Variants in FOXP2 observed in about 807,000 individuals in gnomAD.
FOXP2 encodes the protein forkhead box protein P2.
Under a neutral mutation model 115.8 loss-of-function variants are expected in FOXP2, and 12 were observed. The observed-to-expected ratio is 0.10, with a 90% CI of 0.07 to 0.17. The LOEUF (loss-of-function observed/expected upper bound fraction) is 0.17, where lower values mean the gene tolerates loss of function less well. Among genes scored for constraint, FOXP2 ranks in the 10% least tolerant of loss-of-function variants. FOXP2 has a pLI of 1.00. For synonymous variants in FOXP2, 328 were observed against 297.7 expected (o/e 1.10, Z -1.05); for missense variants, 629 against 843.5 (o/e 0.75, Z 3.15).
chr7:114,252,529 A>G (rs1318665990), intron 1 of FOXP2, among the ~76,000 whole-genome samples: 1 of 152,124 alleles, frequency 6.6e-6, no homozygotes, highest in Non-Finnish European at 1.5e-5. Context: ...GGGAGGGTGT[A>G]TGTGTCCAGG....
chr7:114,477,412 C>G (rs1796324787), intron 2 of FOXP2, among the ~76,000 whole-genome samples: 1 of 151,940 alleles, frequency 6.6e-6, no homozygotes. Context: ...CAACAGAAAA[C>G]TAAATCCCAC....
At chr7:114,682,538 T>C (rs923655509) in intron 16 of FOXP2, among the ~76,000 whole-genome samples, 1 of 152,172 alleles carries the variant, frequency 6.6e-6, no homozygotes, top group Non-Finnish European at 1.5e-5. Context: ...GAAGAAAACC[T>C]AATTATCCTA....
chr7:114,242,541 A>ACCATTATTAATTG lies in FOXP2; in HGVS notation c.-101-45478_-101-45477insCCATTATTAATTG, dbSNP rs1241717738. On this transcript the variant is annotated intron_variant, in intron 1 of 17. Coordinates refer to the FOXP2 transcript ENST00000634411. ...ATAACCATTATTAATTGGACTAGAG[A>ACCATTATTAATTG]TCATCCTCCAGGATTGACAACTGAG... Among the ~76,000 whole-genome samples the ACCATTATTAATTG allele has an allele frequency of 1.7e-4, 26 of 152,242 alleles. 1 individual carries two copies. Among genetic ancestry groups the ACCATTATTAATTG allele is most frequent in the South Asian group, 6.2e-4 (3 of 4,820 alleles).
intron 2 of FOXP2, among the ~76,000 whole-genome samples, chr7:114,437,686 A>G (rs1055900948): frequency 7.2e-5 from 11 of 152,170 alleles, no homozygotes; most frequent in African/African-American, 2.2e-4. Flanking sequence ...ATGGTTTTTA[A>G]TAGTCAAATA....
chr7:114,428,772 C>G (rs546498845), intron 2 of FOXP2, among the ~76,000 whole-genome samples: 2 of 151,340 alleles, frequency 1.3e-5, no homozygotes, highest in Non-Finnish European at 3.0e-5. Context: ...AAAATTGATG[C>G]AGTTATTGCC....
At chr7:114,192,520 T>C (rs907350043) in intron 1 of FOXP2, among the ~76,000 whole-genome samples, 1 of 152,232 alleles carries the variant, frequency 6.6e-6, no homozygotes, top group Non-Finnish European at 1.5e-5. Context: ...TTTCAGGTTG[T>C]GTAGTAAGGC....
chr7:114,116,537 G>A lies in FOXP2; in HGVS notation c.-247+28699G>A, dbSNP rs186609149. ...AGATATTTGAAGTGATAGGTATAAAGACATTTAAAATGACAGCTGTAAATG... is the reference window on the plus strand; with the variant it reads ...AGATATTTGAAGTGATAGGTATAAAAACATTTAAAATGACAGCTGTAAATG... On this transcript the variant is annotated intron_variant, in intron 1 of 19. Coordinates refer to the FOXP2 transcript ENST00000635638. Among the ~76,000 whole-genome samples, 15 of 152,038 alleles carry A rather than the reference G, an allele frequency of 9.9e-5. No homozygotes were observed. In the South Asian group the frequency reaches 1.0e-3, roughly 11 times the overall value.
intron 2 of FOXP2, among the ~76,000 whole-genome samples, chr7:114,294,904 A>G (rs563841050): frequency 4.6e-5 from 7 of 152,216 alleles, no homozygotes; most frequent in Admixed American, 2.0e-4. Flanking sequence ...ACATGCATGC[A>G]TGCATATATA....
intron 16 of FOXP2, chr7:114,667,329 C>T (rs1001137046): frequency 6.6e-6 from 1 of 151,916 alleles, no homozygotes; most frequent in African/African-American, 2.4e-5. Context: ...TCAGGAGGCT[C>T]AGGCAGGAGG....
At chr7:114,427,230 A>G (rs1793897485) in intron 2 of FOXP2, among the ~76,000 whole-genome samples, 1 of 151,660 alleles carries the variant, frequency 6.6e-6, no homozygotes, top group Non-Finnish European at 1.5e-5. Flanking sequence ...GATATTTTGA[A>G]TATACATCTT....
At chr7:114,382,091 T>C (rs1792319945) in intron 2 of FOXP2, among the ~76,000 whole-genome samples, 1 of 152,104 alleles carries the variant, frequency 6.6e-6, no homozygotes, top group Non-Finnish European at 1.5e-5. Context: ...TAGAAAAGCA[T>C]GTGGAAGAGT....
chr7:114,416,557 A>T (rs1793354744), intron 1 of FOXP2: 2 of 150,264 alleles, frequency 1.3e-5, no homozygotes, highest in Non-Finnish European at 3.0e-5. Context: ...TGCTTAGAAT[A>T]GATCTTGAAT....
intron 1 of FOXP2, among the ~76,000 whole-genome samples, chr7:114,135,756 C>T (rs1015155466): frequency 6.6e-6 from 1 of 152,018 alleles, no homozygotes; most frequent in Non-Finnish European, 1.5e-5. Flanking sequence ...TTTGTAGTTA[C>T]AAAATCTAAT....
intron 1 of FOXP2, among the ~76,000 whole-genome samples, chr7:114,225,309 C>T (rs1794719532): frequency 6.6e-6 from 1 of 151,900 alleles, no homozygotes; most frequent in South Asian, 2.1e-4. Context: ...ATGGCCTTCC[C>T]CCCCTCCCCC....
intron 3 of FOXP2, among the ~76,000 whole-genome samples, chr7:114,599,235 G>C (rs1217806278): frequency 1.3e-5 from 2 of 152,036 alleles, no homozygotes; most frequent in African/African-American, 4.8e-5. Context: ...TCAGATTAAG[G>C]AAGTTCCCAT....
chr7:114,485,899 A>G (rs963606670), intron 2 of FOXP2, among the ~76,000 whole-genome samples: 5 of 152,168 alleles, frequency 3.3e-5, no homozygotes, highest in African/African-American at 1.2e-4. Flanking sequence ...ACAAACATGT[A>G]TGGTATAACT....
intron 2 of FOXP2, among the ~76,000 whole-genome samples, chr7:114,290,965 G>A (rs558515269): frequency 8.3e-4 from 126 of 152,178 alleles, no homozygotes; most frequent in Admixed American, 2.9e-3. Flanking sequence ...TTCAATCGTT[G>A]ACTGTATTAT....
chr7:114,642,381 T>C (rs1422491288), intron 6 of FOXP2, 29 bp from the exon 7 acceptor site: 1 of 1,579,746 alleles, frequency 6.3e-7, no homozygotes, highest in Admixed American at 1.7e-5. Flanking sequence ...TACCTTGTTA[T>C]GCTAGTGAAG....
chr7:114,144,021 A>T (rs1167219465), intron 1 of FOXP2, among the ~76,000 whole-genome samples: 1 of 152,144 alleles, frequency 6.6e-6, no homozygotes, highest in Non-Finnish European at 1.5e-5. Flanking sequence ...CACAGTGCAA[A>T]GATCAAATGC....
Sources: gnomAD v4.1 joint callset for allele counts (sites outside exome capture counted in the v4.1 genomes callset) on GRCh38, gnomAD v4.1.1 for gene constraint, MANE v1.5 for transcripts, NCBI Gene and HGNC (gene_info 2026-07-23, HGNC 2026-07-21) for gene names.